The following CSMD3 variants were observed in gnomAD, a reference collection of about 807,000 sequenced individuals.
CSMD3 encodes CUB and sushi domain-containing protein 3.
CSMD3 carries 177 observed loss-of-function variants against 435.2 expected under a neutral mutation model. That is an observed-to-expected ratio of 0.41 (90% CI 0.36 to 0.46). CSMD3 has a LOEUF of 0.46. CSMD3 is among the 20% of genes least tolerant of loss of function. The probability of loss-of-function intolerance (pLI) is 0.34; values close to 1 mark genes in which losing one functional copy is unlikely to be tolerated. For missense variants in CSMD3, 4,265 were observed against 4,504.6 expected, an observed-to-expected ratio of 0.95 and a Z score of 1.52; for synonymous variants, 1,656 against 1,520.5, an observed-to-expected ratio of 1.09 and a Z score of -2.07.
At chr8:112,926,833 A>G (rs1039776307) in intron 9 of CSMD3, among the ~76,000 whole-genome samples, 3 of 152,130 alleles carry the variant, frequency 2.0e-5, no homozygotes, top group Non-Finnish European at 4.4e-5. Flanking sequence ...TTACATCAAG[A>G]GTAAATTTGT....
intron 3 of CSMD3, among the ~76,000 whole-genome samples, chr8:113,188,398 G>C (rs554950481): frequency 2.0e-5 from 3 of 152,066 alleles, no homozygotes; most frequent in African/African-American, 4.8e-5. Flanking sequence ...GAAAATATGA[G>C]AAATCTCAAA....
At chr8:112,723,802 T>C (rs1285562422) in intron 13 of CSMD3, among the ~76,000 whole-genome samples, 1 of 152,068 alleles carries the variant, frequency 6.6e-6, no homozygotes, top group East Asian at 1.9e-4. Context: ...CTTCATTGAA[T>C]TCATGAAAAG....
chr8:112,580,284 C>G (rs536967142), intron 23 of CSMD3, among the ~76,000 whole-genome samples: 135 of 152,000 alleles, frequency 8.9e-4, no homozygotes, highest in South Asian at 4.1e-3. Context: ...AGTATTTCTG[C>G]AATATCCTAT....
rs1820215828 is a variant in CSMD3 at position 112,295,927 on chromosome 8, T to G, written c.8520A>C (p.Val2840=). 6.2e-7 allele frequency: 1 copy of G among 1,613,352 alleles called. No homozygotes were observed. Among genetic ancestry groups the G allele is most frequent in the African/African-American group, 1.3e-5 (1 of 74,906 alleles). ...GENYGYRDTV[V]YQCNPGFRLI... ...ATCGAAAACCAGGATTACATTGATATACAACTGTGTCTCTATATCCATAAT... is the reference window on the plus strand; with the variant it reads ...ATCGAAAACCAGGATTACATTGATAGACAACTGTGTCTCTATATCCATAAT... The change falls in exon 54 of 71, where the codon GTA becomes GTC. Residue 2840 remains valine (V), a synonymous_variant. Transcript: ENST00000297405.
intron 50 of CSMD3, chr8:112,310,309 T>C (rs1178784340): frequency 6.5e-6 from 1 of 152,702 alleles, no homozygotes; most frequent in Non-Finnish European, 1.5e-5. Flanking sequence ...AACCTCCGCC[T>C]CCCGGGTTCA....
chr8:112,549,048 G>A (rs1387654256), intron 27 of CSMD3, among the ~76,000 whole-genome samples: 3 of 152,066 alleles, frequency 2.0e-5, no homozygotes, highest in Admixed American at 6.6e-5. Context: ...AAGGTTGAGT[G>A]TAAAGTGTAA....
rs1825140585 is a variant in CSMD3 at position 112,527,934 on chromosome 8, A to T, written c.4565-10709T>A. Among the ~76,000 whole-genome samples, 5 of 152,124 alleles carry T rather than the reference A, an allele frequency of 3.3e-5. No individual in the cohort carries two copies. The South Asian group carries it at 1.0e-3, about 31-fold the overall frequency. ...TTCTGCTAAGGGAGCTGGCATATTA[A>T]CACTCTTCATACTTTCTCAGAAGAG... On this transcript the variant is annotated intron_variant, in intron 27 of 70. Coordinates refer to ENST00000297405, the MANE Select transcript of CSMD3 (RefSeq NM_198123.2).
At chr8:113,224,487 T>C (rs2093004247) in intron 3 of CSMD3, among the ~76,000 whole-genome samples, 2 of 151,354 alleles carry the variant, frequency 1.3e-5, no homozygotes, top group Admixed American at 6.6e-5. Flanking sequence ...TATAAATAAA[T>C]GACATTTGTA....
At chr8:113,022,751 G>A (rs962185003) in intron 5 of CSMD3, among the ~76,000 whole-genome samples, 4 of 151,436 alleles carry the variant, frequency 2.6e-5, no homozygotes, top group African/African-American at 7.3e-5. Flanking sequence ...AATTTGACGT[G>A]TCTCTTGAGT....
chr8:112,949,094 A>G (rs1371018351), intron 8 of CSMD3, among the ~76,000 whole-genome samples: 1 of 151,964 alleles, frequency 6.6e-6, no homozygotes, highest in Non-Finnish European at 1.5e-5. Flanking sequence ...AATGACTCTC[A>G]AGGTAATTCT....
Position 112,843,491 on chromosome 8 carries a change from G to T in CSMD3, c.1756-13702C>A, listed in dbSNP as rs148532608. ...CTATATTACCAGACATGTCAAAAGGGACTTGAACTTGTGATTCAATTTAAG... is the reference window on the plus strand; with the variant it reads ...CTATATTACCAGACATGTCAAAAGGTACTTGAACTTGTGATTCAATTTAAG... On this transcript the variant is annotated intron_variant, in intron 11 of 70. Coordinates refer to ENST00000297405, the MANE Select transcript of CSMD3 (RefSeq NM_198123.2). Among the ~76,000 whole-genome samples, 82 of 152,006 alleles carry T rather than the reference G, an allele frequency of 5.4e-4. 2 individuals carry two copies. In the East Asian group the frequency reaches 0.013, roughly 24 times the overall value.
intron 12 of CSMD3, among the ~76,000 whole-genome samples, chr8:112,813,894 T>C (rs562438887): frequency 2.0e-5 from 3 of 152,210 alleles, no homozygotes; most frequent in African/African-American, 7.2e-5. Flanking sequence ...GTTGCCATCC[T>C]GGGACAGGAA....
chr8:112,718,324 T>C (rs1212765815), intron 13 of CSMD3, among the ~76,000 whole-genome samples: 1 of 151,994 alleles, frequency 6.6e-6, no homozygotes, highest in East Asian at 1.9e-4. Context: ...TTGAGAGGTT[T>C]CATAATAAAT....
chr8:113,236,468 C>T (rs145705410), intron 3 of CSMD3, among the ~76,000 whole-genome samples: 65 of 152,300 alleles, frequency 4.3e-4, no homozygotes, highest in African/African-American at 1.4e-3. Context: ...CTGAATAGAA[C>T]AGAATGGCAG....
intron 22 of CSMD3, among the ~76,000 whole-genome samples, chr8:112,612,234 C>T (rs76894298): frequency 8.9e-4 from 135 of 152,208 alleles, no homozygotes; most frequent in Non-Finnish European, 1.4e-3. Context: ...AAATTATCAG[C>T]CAGGTATAAC....
At chr8:113,370,379 A>T (rs2094339777) in intron 1 of CSMD3, among the ~76,000 whole-genome samples, 1 of 151,596 alleles carries the variant, frequency 6.6e-6, no homozygotes, top group African/African-American at 2.4e-5. Flanking sequence ...CTTAAAAGAT[A>T]GAATCTAAAT....
chr8:113,195,791 T>TTATATATATATATATATATATA (rs749886578), intron 3 of CSMD3, among the ~76,000 whole-genome samples: 2 of 126,042 alleles, frequency 1.6e-5, no homozygotes, highest in African/African-American at 6.2e-5. Flanking sequence ...ATCCTATATT[T>TTATATATATATATATATATATA]TATATATATA....
intron 3 of CSMD3, among the ~76,000 whole-genome samples, chr8:113,260,448 A>G (rs1267837620): frequency 6.6e-6 from 1 of 152,020 alleles, no homozygotes. Flanking sequence ...TCAGCTCTCT[A>G]CTGATTGCTT....
chr8:113,380,503 A>G (rs573694398), intron 1 of CSMD3, among the ~76,000 whole-genome samples: 1 of 152,322 alleles, frequency 6.6e-6, no homozygotes, highest in South Asian at 2.1e-4. Context: ...AATGCCCTTT[A>G]TTGAAATGGA....
Sources: allele counts gnomAD v4.1 joint callset (sites outside exome capture counted in the v4.1 genomes callset), GRCh38; gene constraint gnomAD v4.1.1; transcripts MANE v1.5; gene names NCBI Gene and HGNC (gene_info 2026-07-23, HGNC 2026-07-21).